The following KCNIP4 variants were observed in gnomAD, a reference collection of about 807,000 sequenced individuals.
The protein encoded by KCNIP4 is potassium voltage-gated channel interacting protein 4.
KCNIP4 carries 12 observed loss-of-function variants against 34.0 expected under a neutral mutation model. That is an observed-to-expected ratio of 0.35 (90% CI 0.23 to 0.57). The LOEUF (loss-of-function observed/expected upper bound fraction) is 0.57, where lower values mean the gene tolerates loss of function less well. Among genes scored for constraint, KCNIP4 ranks in the 20% least tolerant of loss-of-function variants. KCNIP4 has a pLI of 0.83. For missense variants in KCNIP4, 238 were observed against 311.7 expected (o/e 0.76, Z 1.78); for synonymous variants, 124 against 102.2 (o/e 1.21, Z -1.29).
Position 20,728,738 on chromosome 4 carries a change from G to T in KCNIP4, c.*1344C>A. 1 of 152,522 alleles carries T rather than the reference G, an allele frequency of 6.6e-6. No individual in the cohort carries two copies. The highest frequency in any genetic ancestry group is 1.5e-5 in the Non-Finnish European group (1 of 68,024). The allele number at this position is 152,522 out of a possible 1,614,324, so 9.4% of individuals were successfully genotyped here. ...TGTACTACTCTTAATTTCTACACTG[G>T]TGATAGCAGGGCAGCTTTCAACATC... On this transcript the variant is annotated 3_prime_UTR_variant, in exon 9 of 9. Coordinates refer to ENST00000382152, the MANE Select transcript of KCNIP4 (RefSeq NM_025221.6).
chr4:21,889,048 T>C (rs1726942911), intron 1 of KCNIP4, among the ~76,000 whole-genome samples: 1 of 152,144 alleles, frequency 6.6e-6, no homozygotes, highest in African/African-American at 2.4e-5. Context: ...GCATGTCATA[T>C]TTTTATTGCT....
At chr4:21,696,897 C>A in intron 1 of KCNIP4, among the ~76,000 whole-genome samples, 1 of 152,022 alleles carries the variant, frequency 6.6e-6, no homozygotes, top group East Asian at 1.9e-4. Flanking sequence ...AACTCTTTCC[C>A]GGCCAAGCCC....
At chr4:20,931,124 T>C (rs1730422238) in intron 1 of KCNIP4, among the ~76,000 whole-genome samples, 1 of 151,678 alleles carries the variant, frequency 6.6e-6, no homozygotes, top group African/African-American at 2.4e-5. Flanking sequence ...AGTCAACATA[T>C]GGAAACAACC....
At chr4:20,878,276 G>T (rs1724284616) in intron 2 of KCNIP4, among the ~76,000 whole-genome samples, 1 of 152,100 alleles carries the variant, frequency 6.6e-6, no homozygotes, top group South Asian at 2.1e-4. Context: ...ACTTTGCATG[G>T]ATTATTCCCA....
chr4:21,501,569 AG>A (rs766158049), intron 1 of KCNIP4, among the ~76,000 whole-genome samples: 1 of 152,164 alleles, frequency 6.6e-6, no homozygotes, highest in Non-Finnish European at 1.5e-5. Context: ...ATGAACAAAA[AG>A]GTTTTGTTTC....
intron 1 of KCNIP4, among the ~76,000 whole-genome samples, chr4:21,138,179 G>A (rs1013687548): frequency 6.6e-6 from 1 of 151,974 alleles, no homozygotes; most frequent in Non-Finnish European, 1.5e-5. Context: ...TCGCTTTGCT[G>A]GTGTTGTTTC....
chr4:20,728,903 A>G lies in KCNIP4; in HGVS notation c.*1179T>C, dbSNP rs975537742. 28 of 146,054 alleles carry G rather than the reference A, an allele frequency of 1.9e-4. No individual in the cohort carries two copies. The highest frequency in any genetic ancestry group is 5.2e-5 in the African/African-American group (2 of 38,224). The allele number at this position is 146,054 out of a possible 1,614,324, so 9.0% of individuals were successfully genotyped here. A position where few individuals can be genotyped will look rare whatever the true frequency, so the allele number is the denominator to read the frequency against. ...GTGGCTTTAGTAATGTGGCAACTTT[A>G]CAGTTTTGGCTAAGATGATTAAAAA... On this transcript the variant is annotated 3_prime_UTR_variant, in exon 9 of 9. Transcript: ENST00000382152.
At chr4:21,885,607 T>G (rs981917738) in intron 1 of KCNIP4, among the ~76,000 whole-genome samples, 2 of 152,064 alleles carry the variant, frequency 1.3e-5, no homozygotes, top group East Asian at 1.9e-4. Context: ...CAAATCTCCT[T>G]AACAAATGCA....
At chr4:21,946,183 G>T (rs1730502254) in intron 1 of KCNIP4, among the ~76,000 whole-genome samples, 1 of 151,634 alleles carries the variant, frequency 6.6e-6, no homozygotes, top group South Asian at 2.1e-4. Context: ...ATTTTTCACA[G>T]TGTTCTATCT....
intron 1 of KCNIP4, among the ~76,000 whole-genome samples, chr4:21,153,930 C>T (rs1752953629): frequency 6.6e-6 from 1 of 151,798 alleles, no homozygotes; most frequent in East Asian, 1.9e-4. Flanking sequence ...AACACCCACA[C>T]CGTAACTCAA....
At chr4:21,919,194 G>A (rs1728810083) in intron 1 of KCNIP4, among the ~76,000 whole-genome samples, 2 of 152,224 alleles carry the variant, frequency 1.3e-5, no homozygotes, top group South Asian at 2.1e-4. Flanking sequence ...AGACTATAGC[G>A]TGTTCCCTTC....
chr4:21,410,561 C>T (rs1483961720), intron 1 of KCNIP4, among the ~76,000 whole-genome samples: 1 of 152,126 alleles, frequency 6.6e-6, no homozygotes, highest in Non-Finnish European at 1.5e-5. Context: ...ACCTTGTTAG[C>T]CATGTGAGTG....
chr4:20,917,162 C>A (rs1017831803), intron 1 of KCNIP4, among the ~76,000 whole-genome samples: 3 of 150,492 alleles, frequency 2.0e-5, no homozygotes, highest in South Asian at 4.2e-4. Flanking sequence ...CTCAGCCTCC[C>A]AAGTAGCTGG....
chr4:21,724,235 C>G (rs775153573), intron 1 of KCNIP4, among the ~76,000 whole-genome samples: 8 of 151,996 alleles, frequency 5.3e-5, no homozygotes. Flanking sequence ...GAGGTACAGA[C>G]TAAGAGAATG....
intron 1 of KCNIP4, among the ~76,000 whole-genome samples, chr4:21,278,684 G>C (rs558117654): frequency 6.6e-6 from 1 of 152,168 alleles, no homozygotes. Flanking sequence ...AAGTGAGCCT[G>C]AGGAGACCTA....
At chr4:21,008,078 T>C (rs1738726931) in intron 1 of KCNIP4, among the ~76,000 whole-genome samples, 1 of 152,220 alleles carries the variant, frequency 6.6e-6, no homozygotes, top group Non-Finnish European at 1.5e-5. Context: ...CCAAAATGTT[T>C]CCACCAGGCA....
chr4:21,676,987 A>G lies in KCNIP4; in HGVS notation c.61+271584T>C, dbSNP rs937592977. On this transcript the variant is annotated intron_variant, in intron 1 of 8. Transcript: ENST00000382152. ...AATCTTCTAAAGTATATGTTCCAGAAAAAAAAAAAAAACATGGTGCACTAA... is the reference window on the plus strand; with the variant it reads ...AATCTTCTAAAGTATATGTTCCAGAGAAAAAAAAAAAACATGGTGCACTAA... 1.8e-4 allele frequency among the ~76,000 whole-genome samples: 3 copies of G among 16,580 alleles called. No individual in the cohort carries two copies. In the African/African-American group the frequency reaches 2.7e-3, roughly 15 times the overall value. The allele number at this position is 16,580 out of a possible 152,430, so 10.9% of individuals were successfully genotyped here.
intron 1 of KCNIP4, among the ~76,000 whole-genome samples, chr4:21,366,794 CAAAG>C (rs1719815778): frequency 6.6e-6 from 1 of 151,626 alleles, no homozygotes; most frequent in African/African-American, 2.4e-5. Flanking sequence ...GAGAGAGAAA[CAAAG>C]AGAGAGAGAG....
chr4:21,465,058 A>G (rs1250053162), intron 1 of KCNIP4, among the ~76,000 whole-genome samples: 1 of 152,046 alleles, frequency 6.6e-6, no homozygotes, highest in African/African-American at 2.4e-5. Flanking sequence ...ACAGGTGTAG[A>G]CTGCCAGGCT....
Sources: gnomAD v4.1 joint callset for allele counts (sites outside exome capture counted in the v4.1 genomes callset) on GRCh38, gnomAD v4.1.1 for gene constraint, MANE v1.5 for transcripts, NCBI Gene and HGNC (gene_info 2026-07-23, HGNC 2026-07-21) for gene names.